TAF15: variants seen among roughly 807,000 people sequenced by gnomAD.
The protein encoded by TAF15 is TATA-box binding protein associated factor 15.
Under a neutral mutation model 102.5 loss-of-function variants are expected in TAF15, and 37 were observed. The observed-to-expected ratio is 0.36, with a 90% confidence interval of 0.28 to 0.47. The LOEUF is 0.47. Ranked by LOEUF, TAF15 falls within the 20% of genes least tolerant of loss-of-function variation. The pLI, the probability that TAF15 is intolerant of heterozygous loss-of-function variation, is 0.99. For synonymous variants in TAF15, 273 were observed against 259.2 expected (o/e 1.05, Z -0.51); for missense variants, 652 against 760.7 (o/e 0.86, Z 1.68).
rs145849645 is a variant in TAF15 at position 35,844,967 on chromosome 17, C to T, written c.1668C>T (p.Gly556=). 1.9e-4 allele frequency: 303 copies of T among 1,607,650 alleles called. No individual in the cohort carries two copies. The highest frequency in any genetic ancestry group is 1.2e-3 in the Admixed American group (69 of 59,508). The part of the protein sequence containing the change: ...SGGYGGDRSG[G]GYGGDRGGGY... Reference sequence around the variant, plus strand: ...GCTATGGAGGAGACAGGAGTGGTGGCGGCTATGGAGGAGACCGAGGTGGGG... The same window carrying T: ...GCTATGGAGGAGACAGGAGTGGTGGTGGCTATGGAGGAGACCGAGGTGGGG... Residue 556 remains glycine (G), a synonymous_variant, in exon 15 of 16, where the codon GGC becomes GGT. Transcript: ENST00000605844.
chr17:35,820,009 A>C lies in TAF15; in HGVS notation c.48-15A>C. 1.2e-6 allele frequency: 2 copies of C among 1,612,942 alleles called. No homozygotes were observed. The highest frequency in any genetic ancestry group is 1.7e-6 in the Non-Finnish European group (2 of 1,179,196). On this transcript the variant is annotated splice_polypyrimidine_tract_variant and intron_variant, in intron 2 of 15. Coordinates refer to ENST00000605844, the MANE Select transcript of TAF15 (RefSeq NM_139215.3). ...TCTACACATTTCTTTCAAGTATTAA[A>C]TTTTTCTTTTGCAGTTATTCTACCT...
intron 1 of TAF15, among the ~76,000 whole-genome samples, chr17:35,816,002 C>A (rs2087190659): frequency 6.6e-6 from 1 of 152,072 alleles, no homozygotes; most frequent in African/African-American, 2.4e-5. Context: ...CATTCTGTCG[C>A]TAAAGCTGGA....
At chr17:35,813,230 A>G (rs769375177) in intron 1 of TAF15, among the ~76,000 whole-genome samples, 1 of 152,118 alleles carries the variant, frequency 6.6e-6, no homozygotes, top group Non-Finnish European at 1.5e-5. Flanking sequence ...ATAAGTTGGA[A>G]TAGCAGACCT....
intron 8 of TAF15, chr17:35,834,207 G>A: frequency 2.6e-6 from 1 of 378,028 alleles, no homozygotes; most frequent in South Asian, 5.2e-5. Context: ...ACCAATGAAT[G>A]ACACCTTCAC....
chr17:35,844,330 A>T lies in TAF15; in HGVS notation c.1139A>T (p.Asn380Ile), dbSNP rs763593086. Reference sequence around the variant, plus strand: ...CGAAGGAATTCCTGCAATCAGTGCAATGAGCCTAGACCAGAGGACTCTCGT... The same window carrying T: ...CGAAGGAATTCCTGCAATCAGTGCATTGAGCCTAGACCAGAGGACTCTCGT... Reference protein sequence around the residue: ...FARRNSCNQCNEPRPEDSRPS... With the variant: ...FARRNSCNQCIEPRPEDSRPS... The change falls in exon 14 of 16, where the codon AAT becomes ATT. Residue 380 changes from asparagine to isoleucine, a missense_variant. By Grantham distance (149) the Asn-to-Ile change is moderately radical. Coordinates refer to ENST00000605844, the MANE Select transcript of TAF15 (RefSeq NM_139215.3). 1 of 1,614,238 alleles carries T rather than the reference A, an allele frequency of 6.2e-7. No individual in the cohort carries two copies. The highest frequency in any genetic ancestry group is 1.1e-5 in the South Asian group (1 of 91,084).
intron 10 of TAF15, among the ~76,000 whole-genome samples, chr17:35,838,069 G>T (rs1047301545): frequency 6.6e-6 from 1 of 152,062 alleles, no homozygotes; most frequent in Non-Finnish European, 1.5e-5. Flanking sequence ...TGTAGTCCCA[G>T]CTACTCGGGA....
At chr17:35,821,244 A>C (rs894635423) in intron 5 of TAF15, among the ~76,000 whole-genome samples, 5 of 152,190 alleles carry the variant, frequency 3.3e-5, no homozygotes, top group African/African-American at 1.2e-4. Context: ...TCACCCTTAC[A>C]GATGTGAGAG....
At position 35,809,569 on chromosome 17, in the gene TAF15, C is replaced by T; in HGVS notation, c.-1C>T. ...GGGCCTCCGCGCCGCGGCCGTTAGT[C>T]ATGTCGGGTAGGTGACTTCTTCAGC... On this transcript the variant is annotated 5_prime_UTR_variant, in exon 1 of 16. Transcript: ENST00000605844. 1.9e-6 allele frequency: 3 copies of T among 1,613,460 alleles called. No homozygotes were observed. The highest frequency in any genetic ancestry group is 2.2e-5 in the East Asian group (1 of 44,870).
chr17:35,834,860 G>A (rs898648236), intron 9 of TAF15, among the ~76,000 whole-genome samples: 3 of 149,480 alleles, frequency 2.0e-5, no homozygotes, highest in South Asian at 2.1e-4. Context: ...GTTCTCCTGC[G>A]TCTGCCTCCC....
Position 35,820,499 on chromosome 17 carries a change from A to T in TAF15, c.290+62A>T, listed in dbSNP as rs965563250. On this transcript the variant is annotated intron_variant, in intron 5 of 15. Transcript: ENST00000605844. ...AGTGGAAATAACACTGATATTAAAC[A>T]GATTTAACCAACAAAATCCTAGCTT... 7 of 1,481,088 alleles carry T rather than the reference A, an allele frequency of 4.7e-6. No individual in the cohort carries two copies. In the African/African-American group the frequency reaches 9.8e-5, roughly 21 times the overall value. The allele number at this position is 1,481,088 out of a possible 1,614,324, so 91.7% of individuals were successfully genotyped here. A position where few individuals can be genotyped will look rare whatever the true frequency, so the allele number is the denominator to read the frequency against.
rs191998516 is a variant in TAF15, at chr17:35,823,414, G to T, written c.484+581G>T. Among the ~76,000 whole-genome samples the T allele has an allele frequency of 4.7e-3, 711 of 152,142 alleles. 5 individuals are homozygous for T. The highest frequency in any genetic ancestry group is 0.016 in the African/African-American group (662 of 41,516). On this transcript the variant is annotated intron_variant, in intron 6 of 15. Transcript: ENST00000605844. ...GAAGAAAGTGGTAACTTTTAAGATTGGGGGGCCGGGCGCAGTGGCTCACGC... is the reference window on the plus strand; with the variant it reads ...GAAGAAAGTGGTAACTTTTAAGATTTGGGGGCCGGGCGCAGTGGCTCACGC...
chr17:35,818,294 A>G (rs544770871), intron 2 of TAF15: 27 of 154,474 alleles, frequency 1.7e-4, no homozygotes, highest in Non-Finnish European at 2.6e-4. Flanking sequence ...ATGGGGTTTC[A>G]CCGTGTTAGC....
chr17:35,813,675 G>T (rs2087155729), intron 1 of TAF15, among the ~76,000 whole-genome samples: 1 of 133,990 alleles, frequency 7.5e-6, no homozygotes. Flanking sequence ...ATGGGAAATA[G>T]ATTAAAAACT....
intron 7 of TAF15, among the ~76,000 whole-genome samples, chr17:35,824,873 G>A (rs1036899878): frequency 6.6e-6 from 1 of 151,954 alleles, no homozygotes; most frequent in African/African-American, 2.4e-5. Flanking sequence ...TATGAAGCTG[G>A]TTTGAAAATT....
At chr17:35,845,498 C>T (rs1164013030) in intron 15 of TAF15, among the ~76,000 whole-genome samples, 1 of 152,162 alleles carries the variant, frequency 6.6e-6, no homozygotes, top group African/African-American at 2.4e-5. Flanking sequence ...TCAAGCATTC[C>T]TCCTGTCTTG....
chr17:35,832,072 C>T (rs531583115), intron 7 of TAF15, among the ~76,000 whole-genome samples: 3 of 152,090 alleles, frequency 2.0e-5, no homozygotes, highest in East Asian at 3.9e-4. Flanking sequence ...AGCAAGACTC[C>T]GTCTGGGAAA....
At chr17:35,820,525 T>TA in intron 5 of TAF15, 88 bp downstream of exon 5, 1 of 1,301,532 alleles carries the variant, frequency 7.7e-7, no homozygotes, top group South Asian at 1.3e-5. Context: ...ATCCTAGCTT[T>TA]AAACTTTTTT....
At chr17:35,839,898 GCACCCT>G (rs973300931) in intron 11 of TAF15, among the ~76,000 whole-genome samples, 1 of 151,916 alleles carries the variant, frequency 6.6e-6, no homozygotes, top group Non-Finnish European at 1.5e-5. Flanking sequence ...CATTTTTGTT[GCACCCT>G]AATTTAACAG....
At chr17:35,826,502 A>G (rs970794867) in intron 7 of TAF15, among the ~76,000 whole-genome samples, 1 of 148,224 alleles carries the variant, frequency 6.7e-6, no homozygotes, top group Non-Finnish European at 1.5e-5. Context: ...ATGAATAAAC[A>G]GAGTTGTGTT....
Sources: gnomAD v4.1 joint callset for allele counts (sites outside exome capture counted in the v4.1 genomes callset) on GRCh38, gnomAD v4.1.1 for gene constraint, MANE v1.5 for transcripts, NCBI Gene and HGNC (gene_info 2026-07-23, HGNC 2026-07-21) for gene names.